Variants in FAM186B observed in about 807,000 individuals in gnomAD.
FAM186B encodes the protein protein FAM186B.
In FAM186B, 68 loss-of-function variants were observed where a neutral mutation model predicts 83.4. The ratio of observed to expected loss-of-function variants is 0.81; its 90% CI spans 0.67 to 1.00. The LOEUF is 1.00. FAM186B is among the 50% of genes least tolerant of loss of function. FAM186B has a pLI of 0.00. For missense variants in FAM186B, 983 were observed against 1,099.2 expected, an observed-to-expected ratio of 0.89 and a Z score of 1.49; for synonymous variants, 389 against 422.0, an observed-to-expected ratio of 0.92 and a Z score of 0.96.
rs749402603 is a variant in FAM186B, at chr12:49,600,688, G to C, written c.952C>G (p.Leu318Val). The C allele has an allele frequency of 3.1e-6, 5 of 1,614,038 alleles. No individual in the cohort carries two copies. The African/African-American group carries it at 6.7e-5, about 22-fold the overall frequency. The change falls in exon 4 of 7, where the codon CTG becomes GTG. Residue 318 changes from leucine (L) to valine (V), a missense_variant. Leu to Val is a conservative substitution (Grantham distance 32). Coordinates refer to ENST00000257894, the MANE Select transcript of FAM186B (RefSeq NM_032130.3). This position sits in a 1 kb window ranked among gnomAD's most constrained non-coding sequence, Gnocchi z 4.3. ...LLMKQALEFQ[L>V]KKAQNATGQA... ...CCTGTAGCATTCTGAGCCTTCTTCA[G>C]CTGGAACTCCAAGGCCTGCTTCATC...
chr12:49,604,034 A>C, intron 2 of FAM186B: 1 of 455,770 alleles, frequency 2.2e-6, no homozygotes, highest in East Asian at 3.7e-5. Flanking sequence ...GGTGCTCTAT[A>C]AAATAGCTAA....
At chr12:49,611,821 T>C in the FAM186B span, among the ~76,000 whole-genome samples, 1 of 144,248 alleles carries the variant, frequency 6.9e-6, no homozygotes. Flanking sequence ...ATCATGCCAC[T>C]GCACTCCAGC....
In FAM186B at chr12:49,588,481, C is replaced by A. The variant is rs147282399; in HGVS notation, c.2507G>T (p.Arg836Leu). ...TYKQPFLSRH[R>L]ACVPLQMARQ... Reference sequence around the variant, plus strand: ...GGCCATCTGCAGGGGCACACATGCCCGGTGCCTAGACAGAAAGGGCTGCTT... The same window carrying A: ...GGCCATCTGCAGGGGCACACATGCCAGGTGCCTAGACAGAAAGGGCTGCTT... Residue 836 changes from arginine to leucine, a missense_variant, in exon 6 of 7, where the codon CGG (arginine) becomes CTG (leucine). Physicochemically the swap from Arg to Leu is moderately radical, Grantham distance 102 (BLOSUM62 -2). Transcript: ENST00000257894. 1 of 1,613,180 alleles carries A rather than the reference C, an allele frequency of 6.2e-7. No individual in the cohort carries two copies. Among genetic ancestry groups the A allele is most frequent in the Non-Finnish European group, 8.5e-7 (1 of 1,179,506 alleles).
chr12:49,600,554 C>T lies in FAM186B; in HGVS notation c.1086G>A (p.Met362Ile). Reference protein sequence around the residue: ...TVMEESQQEPMKEEQLFSPLP... With the variant: ...TVMEESQQEPIKEEQLFSPLP... ...GTGGCGAGAACAACTGCTCCTCCTT[C>T]ATCGGTTCCTGTTGGCTTTCCTCCA... The change falls in exon 4 of 7, where the codon ATG (methionine) becomes ATA (isoleucine). Residue 362 changes from methionine to isoleucine, a missense_variant. Coordinates refer to ENST00000257894, the MANE Select transcript of FAM186B (RefSeq NM_032130.3). This position sits in a 1 kb window ranked among gnomAD's most constrained non-coding sequence, Gnocchi z 4.3. The T allele has an allele frequency of 6.2e-7, 1 of 1,613,774 alleles. No individual in the cohort carries two copies. The highest frequency in any genetic ancestry group is 8.5e-7 in the Non-Finnish European group (1 of 1,179,856).
At chr12:49,596,249 G>A (rs1385643764) in intron 5 of FAM186B, among the ~76,000 whole-genome samples, 1 of 139,750 alleles carries the variant, frequency 7.2e-6, no homozygotes, top group Non-Finnish European at 1.5e-5. Context: ...AAGGCATTTA[G>A]CAAACTAAAA....
chr12:49,588,183 G>A (rs543482036), intron 6 of FAM186B, among the ~76,000 whole-genome samples: 1 of 152,216 alleles, frequency 6.6e-6, no homozygotes, highest in African/African-American at 2.4e-5. Context: ...TAAGTTTTCA[G>A]GTGTGGGTCC....
the FAM186B span, among the ~76,000 whole-genome samples, chr12:49,614,439 C>A: frequency 1.3e-5 from 2 of 152,206 alleles, no homozygotes; most frequent in Non-Finnish European, 2.9e-5. Flanking sequence ...AACACGGATG[C>A]AGCTGGAGGC....
chr12:49,600,930 G>A lies in FAM186B; in HGVS notation c.710C>T (p.Ala237Val). The A allele has an allele frequency of 6.2e-7, 1 of 1,614,134 alleles. No homozygotes were observed. The highest frequency in any genetic ancestry group is 8.5e-7 in the Non-Finnish European group (1 of 1,179,996). ...KGEVRAIRYM[A>V]TVVENLNKAL... ...CTTGTTGAGGTTCTCCACCACAGTG[G>A]CCATGTACCTGATGGCCCTGACCTC... The change falls in exon 4 of 7, where the codon GCC becomes GTC. Residue 237 changes from alanine to valine, a missense_variant. By Grantham distance (64) the Ala-to-Val change is moderately conservative. Coordinates refer to ENST00000257894, the MANE Select transcript of FAM186B (RefSeq NM_032130.3). This position sits in a 1 kb window ranked among gnomAD's most constrained non-coding sequence, Gnocchi z 4.3.
At chr12:49,617,205 C>T in the FAM186B span, among the ~76,000 whole-genome samples, 2 of 152,134 alleles carry the variant, frequency 1.3e-5, no homozygotes, top group African/African-American at 2.4e-5. Context: ...ATCACCCAAC[C>T]CCTTCTCAAG....
rs1424423238 is a variant in FAM186B at position 49,587,534 on chromosome 12, G to A, written c.*71C>T. On this transcript the variant is annotated 3_prime_UTR_variant, in exon 7 of 7. Coordinates refer to ENST00000257894, the MANE Select transcript of FAM186B (RefSeq NM_032130.3). ...AGCCTGGAGAGAGATTTATTGGGGA[G>A]AATCCACATTGACCATCAGCCTCGC... 6.3e-7 allele frequency: 1 copy of A among 1,578,824 alleles called. No homozygotes were observed. Among genetic ancestry groups the A allele is most frequent in the Non-Finnish European group, 8.7e-7 (1 of 1,148,116 alleles).
At chr12:49,588,421 C>A in intron 6 of FAM186B, 33 bp downstream of exon 6, 1 of 1,586,272 alleles carries the variant, frequency 6.3e-7, no homozygotes. Context: ...TTCACCCATA[C>A]AGCTGCTGCC....
At chr12:49,593,643 A>AAAG (rs1555203508) in intron 5 of FAM186B, among the ~76,000 whole-genome samples, 1 of 150,268 alleles carries the variant, frequency 6.7e-6, no homozygotes, top group Non-Finnish European at 1.5e-5. Flanking sequence ...AAAAAAAAAA[A>AAAG]AAAGAAAAGA....
the FAM186B span, among the ~76,000 whole-genome samples, chr12:49,620,288 A>G: frequency 6.6e-6 from 1 of 152,310 alleles, no homozygotes; most frequent in South Asian, 2.1e-4. Flanking sequence ...CATGTTTTGG[A>G]TGTTATATGA....
At position 49,587,709 on chromosome 12, in the gene FAM186B, C is replaced by T. The variant is rs752413018; in HGVS notation, c.2578G>A (p.Ala860Thr). Residue 860 changes from alanine to threonine, a missense_variant, in exon 7 of 7, where the codon GCC (alanine) becomes ACC (threonine). Physicochemically the swap from Ala to Thr is moderately conservative, Grantham distance 58. Transcript: ENST00000257894. ...TTTTCTATTGCGTAACTGGAGGAGG[C>T]CACCTCGGTCTTCCAGACAGCCTCC... is the stretch of plus-strand genomic sequence containing the variant. ...QMEAVWKTEV[A>T]SSSYAIEKKT... The T allele has an allele frequency of 6.2e-7, 1 of 1,614,014 alleles. No individual in the cohort carries two copies. Among genetic ancestry groups the T allele is most frequent in the Non-Finnish European group, 8.5e-7 (1 of 1,179,994 alleles).
chr12:49,603,437 C>T, intron 2 of FAM186B, 70 bp from the exon 3 acceptor site: 1 of 1,494,514 alleles, frequency 6.7e-7, no homozygotes, highest in Non-Finnish European at 9.2e-7. Context: ...AGCCCTATAG[C>T]ACAGGGGTTC....
At chr12:49,605,742 T>C (rs1219775206), upstream of FAM186B, 6 of 303,776 alleles carry the variant, frequency 2.0e-5, no homozygotes, top group Non-Finnish European at 3.6e-5. Flanking sequence ...TATATTTACT[T>C]GACTTGTTGC....
At chr12:49,609,952 A>T (rs1940067903), upstream of FAM186B, among the ~76,000 whole-genome samples, 1 of 152,196 alleles carries the variant, frequency 6.6e-6, no homozygotes, top group African/African-American at 2.4e-5. Context: ...GATCAAGAAT[A>T]TACCCAGCCA....
chr12:49,601,613 T>C (rs1194869198), intron 3 of FAM186B, among the ~76,000 whole-genome samples: 1 of 143,810 alleles, frequency 7.0e-6, no homozygotes, highest in Non-Finnish European at 1.5e-5. Context: ...ACTGTTCACA[T>C]GTTTTATGTT....
the FAM186B span, among the ~76,000 whole-genome samples, chr12:49,619,934 C>T: frequency 6.6e-6 from 1 of 152,046 alleles, no homozygotes; most frequent in African/African-American, 2.4e-5. Context: ...CCCACCTCGG[C>T]CTCCCAAAGT....
Sources: gnomAD v4.1 joint callset for allele counts (sites outside exome capture counted in the v4.1 genomes callset) on GRCh38, gnomAD v4.1.1 for gene constraint, Gnocchi (gnomAD v3.1) non-coding constraint, MANE v1.5 for transcripts, NCBI Gene and HGNC (gene_info 2026-07-23, HGNC 2026-07-21) for gene names.